Variants in PGBD2 observed in about 807,000 individuals in gnomAD.
PGBD2 encodes the protein piggyBac transposable element derived 2.
PGBD2 carries 6 observed loss-of-function variants against 8.1 expected under a neutral mutation model. That is an observed-to-expected ratio of 0.74 (90% CI 0.40 to 1.46). PGBD2 has a LOEUF of 1.46. PGBD2 is among the 40% of genes most tolerant of loss of function. The pLI, the probability that PGBD2 is intolerant of heterozygous loss-of-function variation, is 0.02. For synonymous variants in PGBD2, 318 were observed against 272.2 expected (o/e 1.17, Z -1.66); for missense variants, 802 against 739.0 (o/e 1.09, Z -0.99).
the PGBD2 span, among the ~76,000 whole-genome samples, chr1:248,926,058 C>G: frequency 3.5e-3 from 525 of 152,158 alleles, 4 homozygotes; most frequent in African/African-American, 0.012. Flanking sequence ...AGCCGCCTCT[C>G]CAGCAGAAGG....
chr1:248,916,849 G>A lies in PGBD2; in HGVS notation c.265G>A (p.Asp89Asn). The change falls in exon 3 of 3, where the codon GAT becomes AAT. Residue 89 changes from aspartate (D) to asparagine (N), a missense_variant. Physicochemically the swap from Asp to Asn is conservative, Grantham distance 23. Coordinates refer to ENST00000329291, the MANE Select transcript of PGBD2 (RefSeq NM_170725.3). ...VLCEDSGTGE[D>N]NDDLELQPAK... ...GTGTGAGGACTCTGGCACCGGGGAG[G>A]ATAATGACGACCTGGAGCTGCAGCC... is the stretch of plus-strand genomic sequence containing the variant. 6.2e-7 allele frequency: 1 copy of A among 1,614,072 alleles called. No homozygotes were observed. Among genetic ancestry groups the A allele is most frequent in the Non-Finnish European group, 8.5e-7 (1 of 1,180,010 alleles).
chr1:248,916,275 A>T (rs143933034), intron 2 of PGBD2, among the ~76,000 whole-genome samples: 1 of 151,910 alleles, frequency 6.6e-6, no homozygotes, highest in Non-Finnish European at 1.5e-5. Flanking sequence ...TTAGCCGGGC[A>T]TGGTGGCACG....
chr1:248,892,267 C>CTCCG, the PGBD2 span, among the ~76,000 whole-genome samples: 1 of 127,420 alleles, frequency 7.8e-6, no homozygotes, highest in Non-Finnish European at 1.6e-5. Flanking sequence ...CCCTCCCTCC[C>CTCCG]TCCCTCCCTT....
At chr1:248,875,221 G>A in the PGBD2 span, among the ~76,000 whole-genome samples, 1 of 151,408 alleles carries the variant, frequency 6.6e-6, no homozygotes, top group South Asian at 2.1e-4. Context: ...GCGTGAACCT[G>A]GGAGGCGGAG....
At chr1:248,884,498 C>A in the PGBD2 span, among the ~76,000 whole-genome samples, 1 of 152,132 alleles carries the variant, frequency 6.6e-6, no homozygotes, top group Non-Finnish European at 1.5e-5. Context: ...AGGCACACAC[C>A]ACCATGCCCA....
chr1:248,924,824 A>AG (rs1172398607), downstream of PGBD2, among the ~76,000 whole-genome samples: 2 of 152,122 alleles, frequency 1.3e-5, no homozygotes, highest in African/African-American at 4.8e-5. Flanking sequence ...CCGGCACTGG[A>AG]GGTTGGCTCT....
chr1:248,924,356 G>A (rs1241528848), downstream of PGBD2, among the ~76,000 whole-genome samples: 3 of 152,228 alleles, frequency 2.0e-5, no homozygotes, highest in East Asian at 1.9e-4. Flanking sequence ...ACAGAATAAC[G>A]GGATAAAAGT....
At chr1:248,925,722 G>C in the PGBD2 span, among the ~76,000 whole-genome samples, 60 of 152,212 alleles carry the variant, frequency 3.9e-4, 3 homozygotes, top group East Asian at 7.5e-3. Flanking sequence ...GGGAAAGAGA[G>C]AGGGACAGAA....
the PGBD2 span, among the ~76,000 whole-genome samples, chr1:248,926,884 G>T: frequency 1.3e-5 from 2 of 152,034 alleles, no homozygotes; most frequent in Admixed American, 1.3e-4. Flanking sequence ...GAGATCTACA[G>T]ATTTGATTCT....
At chr1:248,912,838 C>G (rs1661955642) in intron 1 of PGBD2, 1 of 147,798 alleles carries the variant, frequency 6.8e-6, no homozygotes, top group Non-Finnish European at 1.5e-5. Context: ...GGTTTCACTC[C>G]TGTTGCCCAG....
the PGBD2 span, among the ~76,000 whole-genome samples, chr1:248,898,052 A>T: frequency 6.6e-6 from 1 of 152,170 alleles, no homozygotes; most frequent in South Asian, 2.1e-4. Context: ...CAGCAACTCC[A>T]GCCAGGGTTT....
At chr1:248,923,911 C>T (rs564700294), downstream of PGBD2, among the ~76,000 whole-genome samples, 7 of 152,332 alleles carry the variant, frequency 4.6e-5, no homozygotes, top group Admixed American at 4.6e-4. Flanking sequence ...GCTACCAAGA[C>T]AGCTCCTAGT....
chr1:248,905,921 C>T (rs1256464353), upstream of PGBD2, among the ~76,000 whole-genome samples: 3 of 152,220 alleles, frequency 2.0e-5, no homozygotes, highest in African/African-American at 7.2e-5. Context: ...ATCGATTTCC[C>T]AGGTGAAGCT....
At chr1:248,907,414 A>G (rs1661693279) in intron 1 of PGBD2, among the ~76,000 whole-genome samples, 1 of 152,254 alleles carries the variant, frequency 6.6e-6, no homozygotes, top group Non-Finnish European at 1.5e-5. Flanking sequence ...GGCAGGACAC[A>G]GTGGCCTTCA....
chr1:248,901,961 G>A (rs1661541424), upstream of PGBD2, among the ~76,000 whole-genome samples: 2 of 152,144 alleles, frequency 1.3e-5, no homozygotes, highest in Admixed American at 6.5e-5. Flanking sequence ...GATCATTAGA[G>A]AAATGCAAAT....
downstream of PGBD2, chr1:248,919,221 C>G (rs564881511): frequency 2.4e-5 from 4 of 167,126 alleles, no homozygotes; most frequent in East Asian, 1.9e-4. Context: ...ACTATTCCCA[C>G]TCTCCCCCAC....
downstream of PGBD2, among the ~76,000 whole-genome samples, chr1:248,923,706 T>C (rs1215905049): frequency 6.6e-6 from 1 of 152,222 alleles, no homozygotes; most frequent in Non-Finnish European, 1.5e-5. Flanking sequence ...GTCAATATAA[T>C]CGTATGTGTT....
At position 248,918,529 on chromosome 1, in the gene PGBD2, G is replaced by A. The variant is rs1410447848; in HGVS notation, c.*166G>A. 2 of 509,106 alleles carry A rather than the reference G, an allele frequency of 3.9e-6. No homozygotes were observed. The highest frequency in any genetic ancestry group is 4.7e-5 in the South Asian group (1 of 21,418). The allele number at this position is 509,106 out of a possible 1,614,324, so 31.5% of individuals were successfully genotyped here. ...ACAGTTATCTTTTTTATTGTGTTGT[G>A]TTATGCCTACATGTGATATAAATTA... On this transcript the variant is annotated 3_prime_UTR_variant, in exon 3 of 3. Coordinates refer to ENST00000329291, the MANE Select transcript of PGBD2 (RefSeq NM_170725.3).
At chr1:248,921,713 A>C (rs919889805), downstream of PGBD2, among the ~76,000 whole-genome samples, 6 of 152,172 alleles carry the variant, frequency 3.9e-5, no homozygotes, top group African/African-American at 1.2e-4. Context: ...TGAATCTATA[A>C]ATTACTTTGG....
Sources: gnomAD v4.1 joint callset for allele counts (sites outside exome capture counted in the v4.1 genomes callset) on GRCh38, gnomAD v4.1.1 for gene constraint, MANE v1.5 for transcripts, NCBI Gene and HGNC (gene_info 2026-07-23, HGNC 2026-07-21) for gene names.